SHANK2: variants seen among roughly 807,000 people sequenced by gnomAD.
The protein encoded by SHANK2 is SH3 and multiple ankyrin repeat domains protein 2.
In SHANK2, 43 loss-of-function variants were observed where a neutral mutation model predicts 133.7. The observed-to-expected ratio is 0.32, with a 90% CI of 0.25 to 0.41. The LOEUF (loss-of-function observed/expected upper bound fraction) is 0.41, where lower values mean the gene tolerates loss of function less well. Among genes scored for constraint, SHANK2 ranks in the 10% least tolerant of loss-of-function variants. The probability of loss-of-function intolerance (pLI) is 1.00; values close to 1 mark genes in which losing one functional copy is unlikely to be tolerated. For synonymous variants in SHANK2, 1,017 were observed against 952.8 expected (o/e 1.07, Z -1.24); for missense variants, 1,994 against 2,235.8 (o/e 0.89, Z 2.18).
At chr11:71,080,147 G>A (rs1951278584) in intron 8 of SHANK2, among the ~76,000 whole-genome samples, 1 of 152,064 alleles carries the variant, frequency 6.6e-6, no homozygotes, top group Admixed American at 6.5e-5. Context: ...GTAATGGGAT[G>A]AAAGGCAAAA....
intron 14 of SHANK2, among the ~76,000 whole-genome samples, chr11:70,727,577 TCTAAG>T (rs1206213977): frequency 6.6e-6 from 1 of 152,242 alleles, no homozygotes; most frequent in African/African-American, 2.4e-5. Context: ...TAGCTTACGC[TCTAAG>T]CTAAGACTGT....
intron 6 of SHANK2, among the ~76,000 whole-genome samples, chr11:71,103,831 T>C (rs547069502): frequency 5.4e-5 from 8 of 147,862 alleles, no homozygotes; most frequent in African/African-American, 1.8e-4. Flanking sequence ...CACCTCTCTC[T>C]CTCTCCCTCC....
At chr11:70,667,227 A>G (rs868942542) in intron 15 of SHANK2, among the ~76,000 whole-genome samples, 3 of 152,164 alleles carry the variant, frequency 2.0e-5, no homozygotes, top group Non-Finnish European at 4.4e-5. Context: ...AGGTATCCCT[A>G]TGGGAGCCAT....
chr11:71,068,257 C>T (rs1019940691), intron 9 of SHANK2, among the ~76,000 whole-genome samples: 1 of 152,168 alleles, frequency 6.6e-6, no homozygotes, highest in Non-Finnish European at 1.5e-5. Flanking sequence ...GAGTGACAGA[C>T]ACTCCTGCTG....
At chr11:71,166,369 T>C (rs1555110839) in intron 2 of SHANK2, among the ~76,000 whole-genome samples, 1 of 152,184 alleles carries the variant, frequency 6.6e-6, no homozygotes, top group African/African-American at 2.4e-5. Context: ...GGACAGCTAC[T>C]TCTTTCCAGA....
At chr11:70,675,754 G>C (rs1555017069) in intron 15 of SHANK2, among the ~76,000 whole-genome samples, 1 of 152,186 alleles carries the variant, frequency 6.6e-6, no homozygotes, top group Non-Finnish European at 1.5e-5. Flanking sequence ...CAAAAAATTT[G>C]AAATTGGAAA....
chr11:70,938,589 C>A (rs942536600), intron 10 of SHANK2, among the ~76,000 whole-genome samples: 18 of 152,188 alleles, frequency 1.2e-4, no homozygotes, highest in African/African-American at 4.3e-4. Context: ...ACGGGTCAAT[C>A]CTGAGGAATG....
chr11:70,938,854 G>A (rs554204356), intron 10 of SHANK2, among the ~76,000 whole-genome samples: 1 of 152,260 alleles, frequency 6.6e-6, no homozygotes, highest in East Asian at 1.9e-4. Flanking sequence ...GAGGTGACGT[G>A]ATAACCGCCA....
chr11:70,503,511 C>G (rs2059091397), intron 17 of SHANK2, among the ~76,000 whole-genome samples: 1 of 152,252 alleles, frequency 6.6e-6, no homozygotes, highest in Non-Finnish European at 1.5e-5. Flanking sequence ...CAGCAGGGTG[C>G]TTACAAGAGT....
intron 17 of SHANK2, among the ~76,000 whole-genome samples, chr11:70,605,077 C>A (rs368229215): frequency 6.6e-6 from 1 of 152,242 alleles, no homozygotes; most frequent in Non-Finnish European, 1.5e-5. Context: ...TGCAGCAGCC[C>A]TCCGAGGATG....
chr11:71,131,499 G>A (rs1202067232), intron 3 of SHANK2, among the ~76,000 whole-genome samples: 1 of 152,220 alleles, frequency 6.6e-6, no homozygotes, highest in African/African-American at 2.4e-5. Context: ...TGGATGCTGT[G>A]GCGAAGCGGT....
At chr11:71,203,350 C>G (rs1954059660) in intron 2 of SHANK2, among the ~76,000 whole-genome samples, 1 of 152,308 alleles carries the variant, frequency 6.6e-6, no homozygotes, top group Admixed American at 6.5e-5. Flanking sequence ...TAAGAAGTAT[C>G]TAAATCAGAG....
chr11:70,761,898 T>C (rs1836722656), intron 14 of SHANK2, among the ~76,000 whole-genome samples: 1 of 151,992 alleles, frequency 6.6e-6, no homozygotes, highest in Non-Finnish European at 1.5e-5. Flanking sequence ...TCTGGGATTC[T>C]GCATTCCTAG....
At chr11:70,695,565 CT>C (rs1394130064) in intron 15 of SHANK2, among the ~76,000 whole-genome samples, 2 of 152,198 alleles carry the variant, frequency 1.3e-5, no homozygotes, top group Non-Finnish European at 2.9e-5. Context: ...CCCAGGCTGG[CT>C]TTGGGCAGTA....
chr11:70,638,392 G>A (rs1319843856), intron 17 of SHANK2, among the ~76,000 whole-genome samples: 11 of 152,200 alleles, frequency 7.2e-5, no homozygotes, highest in Admixed American at 2.6e-4. Context: ...GCCCGGCCCC[G>A]CTTGCAGATG....
At chr11:70,507,834 G>GTAAT (rs1321903685) in intron 17 of SHANK2, among the ~76,000 whole-genome samples, 1 of 152,244 alleles carries the variant, frequency 6.6e-6, no homozygotes, top group African/African-American at 2.4e-5. Context: ...ACGCGCGTTT[G>GTAAT]TAATTAGACC....
chr11:71,097,102 T>A (rs1590907457), intron 6 of SHANK2, among the ~76,000 whole-genome samples: 1 of 152,326 alleles, frequency 6.6e-6, no homozygotes, highest in South Asian at 2.1e-4. Context: ...GGCCATCCAA[T>A]GACAAGTGGC....
chr11:71,069,141 C>T (rs1409098718), intron 9 of SHANK2, among the ~76,000 whole-genome samples: 4 of 151,592 alleles, frequency 2.6e-5, no homozygotes, highest in Non-Finnish European at 5.9e-5. Context: ...CCATGGCCAC[C>T]ATCACTATCA....
intron 17 of SHANK2, among the ~76,000 whole-genome samples, chr11:70,561,917 C>T (rs905529918): frequency 4.6e-5 from 7 of 152,142 alleles, no homozygotes; most frequent in Non-Finnish European, 8.8e-5. Context: ...TTCTTCTTTT[C>T]TAGTATAGAT....
Sources: gnomAD v4.1 joint callset for allele counts (sites outside exome capture counted in the v4.1 genomes callset) on GRCh38, gnomAD v4.1.1 for gene constraint, MANE v1.5 for transcripts, NCBI Gene and HGNC (gene_info 2026-07-23, HGNC 2026-07-21) for gene names.